NCAM2: variants seen among roughly 807,000 people sequenced by gnomAD.
The protein encoded by NCAM2 is neural cell adhesion molecule 2.
In NCAM2, 30 loss-of-function variants were observed where a neutral mutation model predicts 98.1. The observed-to-expected ratio is 0.31, with a 90% CI of 0.23 to 0.41. NCAM2 has a LOEUF of 0.41. Ranked by LOEUF, NCAM2 falls within the 10% of genes least tolerant of loss-of-function variation. The pLI is 1.00. For synonymous variants in NCAM2, 368 were observed against 342.4 expected, an observed-to-expected ratio of 1.07 and a Z score of -0.83; for missense variants, 867 against 1,005.8, an observed-to-expected ratio of 0.86 and a Z score of 1.87.
chr21:21,513,821 G>A (rs1325695390), intron 16 of NCAM2, among the ~76,000 whole-genome samples: 1 of 152,006 alleles, frequency 6.6e-6, no homozygotes, highest in Admixed American at 6.6e-5. Context: ...GATTTTATTA[G>A]GATCTTTCTC....
chr21:21,148,080 C>T (rs1253273706), intron 1 of NCAM2, among the ~76,000 whole-genome samples: 1 of 152,036 alleles, frequency 6.6e-6, no homozygotes, highest in Non-Finnish European at 1.5e-5. Context: ...CCTATTCAGG[C>T]TCTCAATGTA....
intron 8 of NCAM2, among the ~76,000 whole-genome samples, chr21:21,350,931 C>CAAAA (rs113203468): frequency 1.2e-3 from 53 of 44,148 alleles, no homozygotes; most frequent in African/African-American, 3.6e-3. Flanking sequence ...AGTAAAAATA[C>CAAAA]AAAAAAAAAA....
rs114839454 is a variant in NCAM2, at chr21:21,457,167, C to A, written c.1655-9439C>A. On this transcript the variant is annotated intron_variant, in intron 12 of 17. Transcript: ENST00000400546. ...CTCAAATAGACTATTAAGGGAAATT[C>A]TTGTGAGGGCCCACAAGGGAAAAAA... is the stretch of plus-strand genomic sequence containing the variant. 4.0e-3 allele frequency among the ~76,000 whole-genome samples: 594 copies of A among 149,792 alleles called. 8 individuals are homozygous for A. The highest frequency in any genetic ancestry group is 0.014 in the African/African-American group (580 of 40,574).
At chr21:21,257,005 T>G (rs1314576805) in intron 1 of NCAM2, among the ~76,000 whole-genome samples, 1 of 152,208 alleles carries the variant, frequency 6.6e-6, no homozygotes, top group East Asian at 1.9e-4. Flanking sequence ...CCTGCAGCAA[T>G]TCATCTTTTT....
At chr21:21,046,153 C>T (rs915765538) in intron 1 of NCAM2, among the ~76,000 whole-genome samples, 3 of 152,128 alleles carry the variant, frequency 2.0e-5, no homozygotes, top group African/African-American at 7.2e-5. Flanking sequence ...ATAGCTGTTA[C>T]CCATGTTTTT....
At chr21:21,449,334 G>A (rs1218749258) in intron 12 of NCAM2, among the ~76,000 whole-genome samples, 2 of 151,272 alleles carry the variant, frequency 1.3e-5, no homozygotes, top group African/African-American at 2.4e-5. Flanking sequence ...TTTAATCCAC[G>A]GGAGGAGAAT....
intron 17 of NCAM2, among the ~76,000 whole-genome samples, chr21:21,537,574 A>T (rs1411324924): frequency 6.6e-6 from 1 of 152,154 alleles, no homozygotes; most frequent in Non-Finnish European, 1.5e-5. Flanking sequence ...TGTTTCATTC[A>T]TCATTCTGCA....
chr21:21,384,106 T>C (rs781693536), intron 9 of NCAM2, among the ~76,000 whole-genome samples: 12 of 151,920 alleles, frequency 7.9e-5, no homozygotes, highest in Non-Finnish European at 1.6e-4. Flanking sequence ...TTGAAAGATA[T>C]TATAACTTTA....
chr21:21,480,228 G>A (rs766315616), intron 15 of NCAM2, among the ~76,000 whole-genome samples: 4 of 151,802 alleles, frequency 2.6e-5, no homozygotes, highest in Non-Finnish European at 5.9e-5. Context: ...TTAGCTGGGC[G>A]TACTGGCGGG....
chr21:21,452,041 TC>T (rs1425206303), intron 12 of NCAM2, among the ~76,000 whole-genome samples: 1 of 152,050 alleles, frequency 6.6e-6, no homozygotes, highest in Admixed American at 6.6e-5. Flanking sequence ...ATGCTCAGAT[TC>T]TGAATAGCTT....
chr21:21,264,963 A>ATGTG (rs2072099942), intron 1 of NCAM2, among the ~76,000 whole-genome samples: 1 of 131,478 alleles, frequency 7.6e-6, no homozygotes, highest in African/African-American at 2.7e-5. Context: ...GTGTATGTGT[A>ATGTG]TATATACACA....
intron 1 of NCAM2, among the ~76,000 whole-genome samples, chr21:21,033,569 C>CCA (rs1568948902): frequency 1.3e-5 from 2 of 151,980 alleles, no homozygotes; most frequent in African/African-American, 4.8e-5. Context: ...GACCTCCCCC[C>CCA]CAAAACAATG....
At chr21:21,179,119 A>G (rs1003543139) in intron 1 of NCAM2, among the ~76,000 whole-genome samples, 49 of 152,168 alleles carry the variant, frequency 3.2e-4, no homozygotes, top group Non-Finnish European at 6.3e-4. Context: ...CATGAATTCT[A>G]ATGAATTTAA....
At chr21:21,284,670 G>C (rs1429542124) in intron 3 of NCAM2, among the ~76,000 whole-genome samples, 1 of 151,342 alleles carries the variant, frequency 6.6e-6, no homozygotes, top group Non-Finnish European at 1.5e-5. Context: ...TGGGTATATA[G>C]AGAATAGTGG....
intron 1 of NCAM2, among the ~76,000 whole-genome samples, chr21:21,215,253 A>G (rs2069845272): frequency 1.3e-5 from 2 of 152,164 alleles, no homozygotes; most frequent in Admixed American, 1.3e-4. Flanking sequence ...CTGCATCAGA[A>G]CCTTTCAGAA....
chr21:21,098,752 A>G (rs2066177005), intron 1 of NCAM2, among the ~76,000 whole-genome samples: 3 of 152,008 alleles, frequency 2.0e-5, no homozygotes, highest in East Asian at 1.9e-4. Flanking sequence ...CTGTACTAGT[A>G]TGATATGTGA....
At chr21:21,371,440 A>G (rs2075912480) in intron 8 of NCAM2, among the ~76,000 whole-genome samples, 1 of 151,792 alleles carries the variant, frequency 6.6e-6, no homozygotes, top group African/African-American at 2.4e-5. Context: ...AATGGGGTGC[A>G]TATTCTTTTG....
intron 1 of NCAM2, among the ~76,000 whole-genome samples, chr21:21,222,117 T>C (rs570943795): frequency 1.3e-5 from 2 of 152,304 alleles, no homozygotes; most frequent in East Asian, 1.9e-4. Context: ...GTACTGAATA[T>C]TTTAAGCCTA....
chr21:21,363,998 A>C (rs560931263), intron 8 of NCAM2, among the ~76,000 whole-genome samples: 1 of 152,166 alleles, frequency 6.6e-6, no homozygotes, highest in Non-Finnish European at 1.5e-5. Context: ...TGTTTGTATA[A>C]ATTACCTGTT....
Sources: allele counts gnomAD v4.1 joint callset (sites outside exome capture counted in the v4.1 genomes callset), GRCh38; gene constraint gnomAD v4.1.1; transcripts MANE v1.5; gene names NCBI Gene and HGNC (gene_info 2026-07-23, HGNC 2026-07-21).